Variants in ADAMTSL1 observed in about 807,000 individuals in gnomAD.
ADAMTSL1 encodes the protein ADAMTS like 1.
A neutral mutation model predicts 201.8 loss-of-function variants in ADAMTSL1; 126 were observed. That is an observed-to-expected ratio of 0.62 (90% CI 0.54 to 0.72). The LOEUF (loss-of-function observed/expected upper bound fraction) is 0.72. Among genes scored for constraint, ADAMTSL1 ranks in the 30% least tolerant of loss-of-function variants. The pLI is 0.00. For missense variants in ADAMTSL1, 2,679 were observed against 2,277.8 expected (o/e 1.18, Z -3.59); for synonymous variants, 1,121 against 903.4 (o/e 1.24, Z -4.32).
intron 1 of ADAMTSL1, among the ~76,000 whole-genome samples, chr9:18,149,657 A>G (rs979243447): frequency 1.3e-5 from 2 of 152,092 alleles, no homozygotes; most frequent in Non-Finnish European, 2.9e-5. Context: ...CACTGCATGT[A>G]GAAGTGAAGA....
intron 2 of ADAMTSL1, among the ~76,000 whole-genome samples, chr9:18,276,112 A>T (rs1045830452): frequency 6.6e-6 from 1 of 151,312 alleles, no homozygotes; most frequent in East Asian, 1.9e-4. Context: ...CTGATACCCA[A>T]CTGTGCTTAT....
chr9:18,910,886 T>A lies in ADAMTSL1; in HGVS notation c.*2338T>A, dbSNP rs1316443831. ...CTGGCTAATGTGGAAGGAGGCACTT[T>A]CTCCTCTAAAACACAAAACTGTATT... On this transcript the variant is annotated 3_prime_UTR_variant, in exon 29 of 29. Coordinates refer to ENST00000380548, the MANE Select transcript of ADAMTSL1 (RefSeq NM_001040272.6). 6.6e-6 allele frequency: 1 copy of A among 152,226 alleles called. No individual in the cohort carries two copies. Among genetic ancestry groups the A allele is most frequent in the Non-Finnish European group, 1.5e-5 (1 of 68,048 alleles). The allele number at this position is 152,226 out of a possible 1,614,324, so 9.4% of individuals were successfully genotyped here.
intron 23 of ADAMTSL1, among the ~76,000 whole-genome samples, chr9:18,856,612 T>C (rs10963803): frequency 0.14 from 21,510 of 151,786 alleles, 3,179 homozygotes; most frequent in African/African-American, 0.37. Flanking sequence ...TACAGGCTTG[T>C]AACCCTGGCT....
At chr9:18,412,519 G>C (rs1006730289) in intron 2 of ADAMTSL1, among the ~76,000 whole-genome samples, 1 of 152,124 alleles carries the variant, frequency 6.6e-6, no homozygotes, top group African/African-American at 2.4e-5. Flanking sequence ...ATTCACACAG[G>C]AAAGATAGGA....
chr9:18,469,735 C>T (rs1821135107), upstream of ADAMTSL1, among the ~76,000 whole-genome samples: 1 of 152,244 alleles, frequency 6.6e-6, no homozygotes, highest in African/African-American at 2.4e-5. Context: ...ACAAGAAAAA[C>T]CTCATTGCTC....
At chr9:18,761,917 G>A (rs1820091465) in intron 16 of ADAMTSL1, among the ~76,000 whole-genome samples, 1 of 152,194 alleles carries the variant, frequency 6.6e-6, no homozygotes, top group African/African-American at 2.4e-5. Flanking sequence ...CTCCAGCAGA[G>A]CCCACACCTT....
chr9:18,281,662 G>A (rs758024589), intron 2 of ADAMTSL1, among the ~76,000 whole-genome samples: 2 of 152,218 alleles, frequency 1.3e-5, no homozygotes, highest in Non-Finnish European at 2.9e-5. Context: ...AACACTGGAT[G>A]AACGCCTCAA....
At chr9:17,907,653 G>A (rs1355944014) in intron 1 of ADAMTSL1, among the ~76,000 whole-genome samples, 3 of 152,184 alleles carry the variant, frequency 2.0e-5, no homozygotes, top group African/African-American at 2.4e-5. Context: ...GAAGGGCCCT[G>A]GGAGAGGGTG....
intron 2 of ADAMTSL1, among the ~76,000 whole-genome samples, chr9:18,452,252 G>A (rs1231580601): frequency 6.6e-6 from 1 of 152,104 alleles, no homozygotes; most frequent in African/African-American, 2.4e-5. Flanking sequence ...TCAAGATAAT[G>A]AGCCCACTTT....
chr9:18,373,536 T>A (rs1228626432), intron 2 of ADAMTSL1, among the ~76,000 whole-genome samples: 1 of 152,026 alleles, frequency 6.6e-6, no homozygotes, highest in Non-Finnish European at 1.5e-5. Flanking sequence ...GAGTCATAAA[T>A]TTGCAAACTG....
At chr9:18,267,116 T>C (rs1832149196) in intron 2 of ADAMTSL1, among the ~76,000 whole-genome samples, 1 of 152,204 alleles carries the variant, frequency 6.6e-6, no homozygotes, top group South Asian at 2.1e-4. Context: ...AGGCCTATTG[T>C]ACAGGATCTT....
At chr9:18,859,591 A>G (rs1359071269) in intron 23 of ADAMTSL1, among the ~76,000 whole-genome samples, 2 of 152,210 alleles carry the variant, frequency 1.3e-5, no homozygotes, top group Non-Finnish European at 2.9e-5. Flanking sequence ...TTGTTGCCCA[A>G]AACGTAAATT....
chr9:17,926,467 G>A (rs1273276050), intron 1 of ADAMTSL1, among the ~76,000 whole-genome samples: 3 of 152,116 alleles, frequency 2.0e-5, no homozygotes, highest in East Asian at 3.9e-4. Context: ...CCATGCTGAC[G>A]GCAGCTCCAT....
chr9:18,476,790 G>A (rs1042474995), intron 1 of ADAMTSL1, among the ~76,000 whole-genome samples: 1 of 151,968 alleles, frequency 6.6e-6, no homozygotes, highest in Non-Finnish European at 1.5e-5. Context: ...TCTATTTTGT[G>A]GCAAGCCCAG....
chr9:17,960,700 T>C (rs1056826148), intron 1 of ADAMTSL1, among the ~76,000 whole-genome samples: 2 of 152,222 alleles, frequency 1.3e-5, no homozygotes, highest in Non-Finnish European at 2.9e-5. Context: ...TTCTCACTAT[T>C]CCTGTATTCA....
At position 18,776,942 on chromosome 9, in the gene ADAMTSL1, C is replaced by T. The variant is rs769760271; in HGVS notation, c.2713C>T (p.Arg905Cys). ...GCTGCGCTGCCCGGCGCGCAGGGTC[C>T]GCAAGCCCCTCATCACCTGGGAGAA... ...VVLRCPARRV[R>C]KPLITWEKDG... The change falls in exon 19 of 29, where the codon CGC (arginine) becomes TGC (cysteine). Residue 905 changes from arginine to cysteine, a missense_variant. Physicochemically the swap from Arg to Cys is radical, Grantham distance 180 (BLOSUM62 -3). Transcript: ENST00000380548. 9 of 1,600,142 alleles carry T rather than the reference C, an allele frequency of 5.6e-6. No homozygotes were observed. Among genetic ancestry groups the T allele is most frequent in the Non-Finnish European group, 7.7e-6 (9 of 1,172,970 alleles).
chr9:18,495,145 G>A (rs946791617), intron 1 of ADAMTSL1, among the ~76,000 whole-genome samples: 2 of 152,198 alleles, frequency 1.3e-5, no homozygotes, highest in African/African-American at 4.8e-5. Flanking sequence ...ATGATGTTGA[G>A]CAGTTAAATA....
intron 7 of ADAMTSL1, among the ~76,000 whole-genome samples, chr9:18,650,731 A>G (rs1436227002): frequency 6.6e-6 from 1 of 152,138 alleles, no homozygotes; most frequent in Non-Finnish European, 1.5e-5. Flanking sequence ...CTTGCTTCCT[A>G]GAGCAGCGTT....
chr9:18,176,951 A>G (rs1828193141), intron 2 of ADAMTSL1, among the ~76,000 whole-genome samples: 2 of 152,232 alleles, frequency 1.3e-5, no homozygotes. Flanking sequence ...AAGCAGGTTC[A>G]AAGGAGTTGA....
Sources: allele counts gnomAD v4.1 joint callset (sites outside exome capture counted in the v4.1 genomes callset), GRCh38; gene constraint gnomAD v4.1.1; transcripts MANE v1.5; gene names NCBI Gene and HGNC (gene_info 2026-07-23, HGNC 2026-07-21).